RBFOX1: variants seen among roughly 807,000 people sequenced by gnomAD.
The protein encoded by RBFOX1 is RNA binding fox-1 homolog 1, also known as RNA binding protein fox-1 homolog 1.
A neutral mutation model predicts 57.7 loss-of-function variants in RBFOX1; 8 were observed. The observed-to-expected ratio is 0.14, with a 90% CI of 0.08 to 0.25. The LOEUF (loss-of-function observed/expected upper bound fraction) is 0.25. Among genes scored for constraint, RBFOX1 ranks in the 10% least tolerant of loss-of-function variants. The pLI is 1.00. For synonymous variants in RBFOX1, 326 were observed against 222.4 expected (o/e 1.47, Z -4.15); for missense variants, 611 against 548.5 (o/e 1.11, Z -1.14).
chr16:7,697,245 T>G (rs2079085050), intron 14 of RBFOX1, among the ~76,000 whole-genome samples: 1 of 152,130 alleles, frequency 6.6e-6, no homozygotes, highest in Admixed American at 6.5e-5. Context: ...TGGTCATCTT[T>G]AAGCTGTATT....
chr16:7,366,073 C>G (rs2097439364), intron 4 of RBFOX1, among the ~76,000 whole-genome samples: 1 of 152,202 alleles, frequency 6.6e-6, no homozygotes, highest in African/African-American at 2.4e-5. Flanking sequence ...GGGCTCATCA[C>G]TGAGCCAATC....
chr16:7,261,690 CT>C, intron 4 of RBFOX1, among the ~76,000 whole-genome samples: 1 of 152,146 alleles, frequency 6.6e-6, no homozygotes, highest in South Asian at 2.1e-4. Flanking sequence ...TCCAAGCATC[CT>C]TTTCCTTATT....
chr16:5,246,973 G>A (rs1012751285), intron 1 of RBFOX1, among the ~76,000 whole-genome samples: 9 of 152,160 alleles, frequency 5.9e-5, no homozygotes, highest in Non-Finnish European at 1.0e-4. Flanking sequence ...GCCTCGCTGA[G>A]TTCAACGTTT....
At chr16:5,721,195 G>T (rs1000226938) in intron 3 of RBFOX1, among the ~76,000 whole-genome samples, 1 of 152,060 alleles carries the variant, frequency 6.6e-6, no homozygotes, top group Admixed American at 6.5e-5. Flanking sequence ...TAAAGTTTAA[G>T]TTTATTCTTT....
intron 3 of RBFOX1, among the ~76,000 whole-genome samples, chr16:6,984,338 GTA>G (rs1180506118): frequency 4.6e-5 from 7 of 152,092 alleles, no homozygotes; most frequent in Non-Finnish European, 8.8e-5. Flanking sequence ...AAATATGATG[GTA>G]TCAATGTCAC....
chr16:7,106,245 G>T (rs1215751666), intron 4 of RBFOX1, among the ~76,000 whole-genome samples: 1 of 152,162 alleles, frequency 6.6e-6, no homozygotes, highest in South Asian at 2.1e-4. Context: ...ATGAATGTGT[G>T]CATGAGCATG....
At chr16:7,348,397 A>G (rs866909978) in intron 4 of RBFOX1, among the ~76,000 whole-genome samples, 2 of 148,730 alleles carry the variant, frequency 1.3e-5, no homozygotes, top group South Asian at 4.2e-4. Flanking sequence ...AAATTAATGA[A>G]TTTTTTTTTT....
chr16:7,341,922 C>T (rs2096905704), intron 4 of RBFOX1, among the ~76,000 whole-genome samples: 2 of 151,902 alleles, frequency 1.3e-5, no homozygotes, highest in South Asian at 4.2e-4. Context: ...GTTCAACACA[C>T]CCACTGCTGT....
At chr16:6,368,584 C>T (rs1280075391) in intron 2 of RBFOX1, among the ~76,000 whole-genome samples, 2 of 152,200 alleles carry the variant, frequency 1.3e-5, no homozygotes, top group Non-Finnish European at 2.9e-5. Flanking sequence ...ATGATCTGAG[C>T]TTCCACTCAT....
chr16:7,324,652 G>A (rs1280878029), intron 4 of RBFOX1, among the ~76,000 whole-genome samples: 1 of 152,184 alleles, frequency 6.6e-6, no homozygotes, highest in Admixed American at 6.5e-5. Flanking sequence ...AGGTCAGGAA[G>A]CGCTTAATGA....
intron 2 of RBFOX1, among the ~76,000 whole-genome samples, chr16:5,554,943 A>G (rs13337577): frequency 0.036 from 5,544 of 152,306 alleles, 354 homozygotes; most frequent in African/African-American, 0.13. Flanking sequence ...GGCAGGATGC[A>G]GAGTTGTATT....
chr16:6,947,021 C>T (rs780703457), intron 3 of RBFOX1, among the ~76,000 whole-genome samples: 54 of 152,302 alleles, frequency 3.5e-4, no homozygotes, highest in Non-Finnish European at 6.2e-4. Flanking sequence ...CAAGTCCCTT[C>T]ACCTCTCTCC....
intron 1 of RBFOX1, among the ~76,000 whole-genome samples, chr16:6,034,670 C>G (rs191998233): frequency 1.3e-5 from 2 of 152,242 alleles, no homozygotes; most frequent in Admixed American, 1.3e-4. Flanking sequence ...GGGACACAAA[C>G]CTTCATACCG....
intron 2 of RBFOX1, among the ~76,000 whole-genome samples, chr16:5,523,233 C>T (rs1325561738): frequency 6.6e-6 from 1 of 151,680 alleles, no homozygotes; most frequent in Non-Finnish European, 1.5e-5. Context: ...TTACAGTGAG[C>T]CGAGATCGCG....
At chr16:5,409,814 C>G (rs2066966339) in intron 1 of RBFOX1, among the ~76,000 whole-genome samples, 1 of 151,690 alleles carries the variant, frequency 6.6e-6, no homozygotes, top group Admixed American at 6.6e-5. Flanking sequence ...CTTTGGGAGG[C>G]CGAGGTGGGC....
intron 4 of RBFOX1, among the ~76,000 whole-genome samples, chr16:5,890,205 C>T (rs1176040926): frequency 6.6e-6 from 1 of 152,126 alleles, no homozygotes; most frequent in African/African-American, 2.4e-5. Flanking sequence ...CCTCTTTAAG[C>T]CTCTTGTCCT....
At chr16:7,393,984 C>G (rs1013625195) in intron 4 of RBFOX1, among the ~76,000 whole-genome samples, 2 of 152,036 alleles carry the variant, frequency 1.3e-5, no homozygotes, top group African/African-American at 4.8e-5. Flanking sequence ...ACCTGTAATC[C>G]TAGCCCTTTG....
Position 6,736,672 on chromosome 16 carries a change from C to A in RBFOX1, c.-16+82022C>A, listed in dbSNP as rs997767479. On this transcript the variant is annotated intron_variant, in intron 3 of 15. Coordinates refer to ENST00000550418, the MANE Select transcript of RBFOX1 (RefSeq NM_018723.4). ...TGACATCTTTTCATCTGGGTAGATA[C>A]CCAGTAGTGGGATTGCTGGATCAAA... 5.3e-5 allele frequency among the ~76,000 whole-genome samples: 8 copies of A among 152,162 alleles called. No homozygotes were observed. The East Asian group carries it at 1.5e-3, about 29-fold the overall frequency.
chr16:6,828,578 A>G (rs2092422898), intron 3 of RBFOX1, among the ~76,000 whole-genome samples: 1 of 151,882 alleles, frequency 6.6e-6, no homozygotes, highest in Admixed American at 6.6e-5. Flanking sequence ...TGGGCTGATC[A>G]GATCCTGAAA....
Sources: allele counts gnomAD v4.1 joint callset (sites outside exome capture counted in the v4.1 genomes callset), GRCh38; gene constraint gnomAD v4.1.1; transcripts MANE v1.5; gene names NCBI Gene and HGNC (gene_info 2026-07-23, HGNC 2026-07-21).